The following TJP2 variants were observed in gnomAD, a reference collection of about 807,000 sequenced individuals.
TJP2 encodes tight junction protein 2.
Under a neutral mutation model 133.1 loss-of-function variants are expected in TJP2, and 91 were observed. The observed-to-expected ratio is 0.68, with a 90% confidence interval of 0.58 to 0.81. The LOEUF (loss-of-function observed/expected upper bound fraction) is 0.81, where lower values mean the gene tolerates loss of function less well. TJP2 is among the 40% of genes least tolerant of loss of function. The pLI, the probability that TJP2 is intolerant of heterozygous loss-of-function variation, is 0.00. For synonymous variants in TJP2, 592 were observed against 583.4 expected, an observed-to-expected ratio of 1.01 and a Z score of -0.21; for missense variants, 1,541 against 1,565.6, an observed-to-expected ratio of 0.98 and a Z score of 0.26.
At chr9:69,217,976 G>A (rs1410221316) in intron 3 of TJP2, among the ~76,000 whole-genome samples, 1 of 152,122 alleles carries the variant, frequency 6.6e-6, no homozygotes, top group Non-Finnish European at 1.5e-5. Flanking sequence ...AGACCTCACC[G>A]TCATCAAGTA....
upstream of TJP2, among the ~76,000 whole-genome samples, chr9:69,172,950 C>CT (rs898723906): frequency 3.9e-5 from 6 of 152,150 alleles, no homozygotes; most frequent in African/African-American, 7.2e-5. Flanking sequence ...ACCAAAATGT[C>CT]TAAGTCCGGA....
At chr9:69,247,156 C>T (rs140057775) in intron 18 of TJP2, among the ~76,000 whole-genome samples, 21 of 152,260 alleles carry the variant, frequency 1.4e-4, no homozygotes, top group Middle Eastern at 3.4e-3. Context: ...TTGGAGAATA[C>T]GGCTAAACAT....
chr9:69,125,305 T>A (rs1341449363), intron 1 of TJP2, among the ~76,000 whole-genome samples: 2 of 43,728 alleles, frequency 4.6e-5, no homozygotes, highest in African/African-American at 6.8e-5. Context: ...CCTGAGTGAT[T>A]TTTTTTTTTT....
At chr9:69,234,416 T>TTTTTTTTTTTCC in intron 11 of TJP2, 23 bp from the exon 12 acceptor site, 1 of 1,469,434 alleles carries the variant, frequency 6.8e-7, no homozygotes, top group East Asian at 2.3e-5. Flanking sequence ...TTTTTTTCTT[T>TTTTTTTTTTTCC]TTCTGTTTTT....
intron 1 of TJP2, among the ~76,000 whole-genome samples, chr9:69,132,685 A>C (rs1271367120): frequency 6.6e-6 from 1 of 152,228 alleles, no homozygotes; most frequent in Non-Finnish European, 1.5e-5. Flanking sequence ...TAAGGATACC[A>C]CGGTGAGCAG....
At chr9:69,183,720 A>T (rs553886881) in intron 1 of TJP2, among the ~76,000 whole-genome samples, 142 of 152,282 alleles carry the variant, frequency 9.3e-4, no homozygotes, top group African/African-American at 3.0e-3. Context: ...GGGATTTTTT[A>T]AAAAACTTAT....
chr9:69,128,207 G>A lies in TJP2; in HGVS notation c.-131+6482G>A, dbSNP rs1822339927. On this transcript the variant is annotated intron_variant, in intron 1 of 5. Transcript: ENST00000423935. ...TGGCTATTATGAATAATGTTGTTAT[G>A]AACACTCATGTACAAGTTTTTATGT... 2.6e-5 allele frequency among the ~76,000 whole-genome samples: 2 copies of A among 77,072 alleles called. 1 individual carries two copies. The highest frequency in any genetic ancestry group is 3.8e-4 in the Admixed American group (2 of 5,296). 50.6% of individuals were successfully genotyped at this position (77,072 alleles called of 152,430 possible). A position where few individuals can be genotyped will look rare whatever the true frequency, so the allele number is the denominator to read the frequency against.
intron 10 of TJP2, among the ~76,000 whole-genome samples, chr9:69,229,591 C>A (rs1397451254): frequency 6.6e-6 from 1 of 152,170 alleles, no homozygotes; most frequent in Non-Finnish European, 1.5e-5. Flanking sequence ...GTGGTGACTG[C>A]ACTGATGTGA....
At position 69,225,381 on chromosome 9, in the gene TJP2, C is replaced by G. The variant is rs946826853; in HGVS notation, c.1030C>G (p.Leu344Val). 1.9e-6 allele frequency: 3 copies of G among 1,613,536 alleles called. No homozygotes were observed. The African/African-American group carries it at 4.0e-5, about 22-fold the overall frequency. The change falls in exon 6 of 23, where the codon CTT becomes GTT. Residue 344 changes from leucine (L) to valine (V), a missense_variant. Leu to Val is a conservative substitution (Grantham distance 32, BLOSUM62 1). Transcript: ENST00000377245. ...RTGLATKDGN[L>V]HEGDIILKIN... ...GGGTCTGGCAACTAAAGATGGCAAC[C>G]TTCACGAAGGAGACATAATTCTCAA...
At chr9:69,203,233 T>A (rs572281088) in intron 1 of TJP2, among the ~76,000 whole-genome samples, 6 of 152,276 alleles carry the variant, frequency 3.9e-5, no homozygotes, top group African/African-American at 7.2e-5. Flanking sequence ...AGCCTGCACA[T>A]GTCTGCATAG....
At position 69,218,113 on chromosome 9, in the gene TJP2, T is replaced by G. The variant is rs138344327; in HGVS notation, c.240-144T>G. 539 of 676,108 alleles carry G rather than the reference T, an allele frequency of 8.0e-4. 1 individual carries two copies. In the African/African-American group the frequency reaches 8.2e-3, roughly 10 times the overall value. The allele number at this position is 676,108 out of a possible 1,614,324, so 41.9% of individuals were successfully genotyped here. A position where few individuals can be genotyped will look rare whatever the true frequency, so the allele number is the denominator to read the frequency against. ...TTCTTTGGAAGATCTCAGGCCAAGT[T>G]GACTGGGCCTTGGGCGCCACTAGAC... On this transcript the variant is annotated intron_variant, in intron 3 of 22. Transcript: ENST00000377245.
At chr9:69,174,175 C>CA, upstream of TJP2, 12 of 1,300,424 alleles carry the variant, frequency 9.2e-6, no homozygotes, top group Non-Finnish European at 8.8e-6. Flanking sequence ...GCGGAGGCGC[C>CA]ACGCTCGGGT....
chr9:69,235,613 C>T (rs897633048), intron 12 of TJP2, among the ~76,000 whole-genome samples: 3 of 152,152 alleles, frequency 2.0e-5, no homozygotes, highest in East Asian at 1.9e-4. Flanking sequence ...TGAGCCACCA[C>T]GCCCAGCCTA....
chr9:69,135,138 A>G (rs1485143315), intron 1 of TJP2, among the ~76,000 whole-genome samples: 1 of 152,110 alleles, frequency 6.6e-6, no homozygotes, highest in Non-Finnish European at 1.5e-5. Flanking sequence ...GGGCTTCAAC[A>G]TATGAATTTT....
chr9:69,247,550 G>A (rs1831013877), intron 18 of TJP2, among the ~76,000 whole-genome samples: 1 of 152,184 alleles, frequency 6.6e-6, no homozygotes, highest in Admixed American at 6.5e-5. Flanking sequence ...AGTTTGGAAG[G>A]GGGATGCAAG....
intron 12 of TJP2, among the ~76,000 whole-genome samples, chr9:69,234,885 G>A (rs746629891): frequency 1.2e-4 from 18 of 152,108 alleles, no homozygotes; most frequent in Non-Finnish European, 2.5e-4. Flanking sequence ...TGGCTGGTGC[G>A]CCTGTTACCC....
intron 2 of TJP2, among the ~76,000 whole-genome samples, chr9:69,213,319 C>T (rs964521349): frequency 1.2e-4 from 19 of 152,126 alleles, no homozygotes; most frequent in African/African-American, 3.9e-4. Context: ...CACCTTGGCC[C>T]GCAAAGTGCT....
intron 1 of TJP2, among the ~76,000 whole-genome samples, chr9:69,134,077 C>T (rs1276284349): frequency 6.6e-6 from 1 of 152,148 alleles, no homozygotes; most frequent in Non-Finnish European, 1.5e-5. Flanking sequence ...CATGCTGGGT[C>T]GCAGTTGCTT....
intron 1 of TJP2, among the ~76,000 whole-genome samples, chr9:69,184,511 G>C (rs978350244): frequency 3.9e-5 from 6 of 152,144 alleles, no homozygotes; most frequent in African/African-American, 1.4e-4. Context: ...AATGGCTTCT[G>C]CTTTCCTTCA....
Sources: gnomAD v4.1 joint callset for allele counts (sites outside exome capture counted in the v4.1 genomes callset) on GRCh38, gnomAD v4.1.1 for gene constraint, MANE v1.5 for transcripts, NCBI Gene and HGNC (gene_info 2026-07-23, HGNC 2026-07-21) for gene names.